Variants in TMEM116 observed in about 807,000 individuals in gnomAD.
The protein encoded by TMEM116 is transmembrane protein 116.
In TMEM116, 38 loss-of-function variants were observed where a neutral mutation model predicts 44.3. The observed-to-expected ratio is 0.86, with a 90% CI of 0.66 to 1.12. TMEM116 has a LOEUF of 1.12. Among genes scored for constraint, TMEM116 ranks in the 50% most tolerant of loss-of-function variants. The pLI, the probability that TMEM116 is intolerant of heterozygous loss-of-function variation, is 0.00. For missense variants in TMEM116, 354 were observed against 401.7 expected, an observed-to-expected ratio of 0.88 and a Z score of 1.01; for synonymous variants, 132 against 144.8, an observed-to-expected ratio of 0.91 and a Z score of 0.64.
chr12:111,988,373 T>C (rs555331638), intron 4 of TMEM116, among the ~76,000 whole-genome samples: 1 of 152,354 alleles, frequency 6.6e-6, no homozygotes, highest in South Asian at 2.1e-4. Flanking sequence ...TTTTACGTTA[T>C]GTATAGTTTA....
At chr12:111,963,301 G>C (rs1675145270) in intron 4 of TMEM116, among the ~76,000 whole-genome samples, 1 of 152,192 alleles carries the variant, frequency 6.6e-6, no homozygotes, top group South Asian at 2.1e-4. Flanking sequence ...AATACCATTT[G>C]ACCCAGCAAT....
At chr12:111,951,491 A>G (rs2073728617) in intron 4 of TMEM116, among the ~76,000 whole-genome samples, 1 of 152,234 alleles carries the variant, frequency 6.6e-6, no homozygotes, top group Non-Finnish European at 1.5e-5. Flanking sequence ...CAGTCATAAA[A>G]AAGGACAAGA....
intron 4 of TMEM116, among the ~76,000 whole-genome samples, chr12:111,958,127 C>G (rs1160409174): frequency 3.3e-5 from 5 of 151,924 alleles, no homozygotes; most frequent in Non-Finnish European, 5.9e-5. Flanking sequence ...CCCAGGGACA[C>G]AAACACTGCG....
chr12:111,932,571 T>G lies in TMEM116; in HGVS notation c.807+15A>C. 1 of 1,608,944 alleles carries G rather than the reference T, an allele frequency of 6.2e-7. No homozygotes were observed. The highest frequency in any genetic ancestry group is 8.5e-7 in the Non-Finnish European group (1 of 1,175,322). On this transcript the variant is annotated intron_variant, in intron 10 of 10. Coordinates refer to ENST00000552374, the MANE Select transcript of TMEM116 (RefSeq NM_001193531.2). The stretch of plus-strand genomic sequence containing the variant: ...CGGGTGTAAGAACAGAGATACTGAA[T>G]GTTGAAGGTGTTACCTGGAGAACAT...
chr12:111,991,486 T>C (rs1488874971), intron 4 of TMEM116, among the ~76,000 whole-genome samples: 4 of 148,656 alleles, frequency 2.7e-5, no homozygotes, highest in Non-Finnish European at 5.9e-5. Flanking sequence ...ATCGCACCAC[T>C]GTACTCCAGC....
intron 4 of TMEM116, among the ~76,000 whole-genome samples, chr12:111,961,271 C>T (rs2074569510): frequency 6.6e-6 from 1 of 152,148 alleles, no homozygotes; most frequent in Non-Finnish European, 1.5e-5. Context: ...ACCATTTCTT[C>T]CGAAACTATT....
intron 4 of TMEM116, among the ~76,000 whole-genome samples, chr12:111,964,857 TAA>T (rs200262412): frequency 3.5e-5 from 5 of 143,850 alleles, no homozygotes; most frequent in Admixed American, 6.8e-5. Flanking sequence ...CCAGCTAATT[TAA>T]AAAAAATTTT....
intron 4 of TMEM116, among the ~76,000 whole-genome samples, chr12:111,954,072 G>GA (rs77204391): frequency 0.092 from 14,023 of 152,042 alleles, 712 homozygotes; most frequent in East Asian, 0.23. Flanking sequence ...CAATAAAGCT[G>GA]AAAAAATCTA....
At position 111,937,365 on chromosome 12, in the gene TMEM116, T is replaced by C. The variant is rs554618954; in HGVS notation, c.366-122A>G. The stretch of plus-strand genomic sequence containing the variant: ...CCCACCAATCTCCACAAATAACACA[T>C]TTAATTTCTTCAAGAAAAATACCTC... On this transcript the variant is annotated intron_variant, in intron 6 of 10. Coordinates refer to ENST00000552374, the MANE Select transcript of TMEM116 (RefSeq NM_001193531.2). The C allele has an allele frequency of 1.3e-3, 948 of 746,518 alleles. 2 individuals carry two copies. Among genetic ancestry groups the C allele is most frequent in the Non-Finnish European group, 1.7e-3 (732 of 442,604 alleles). The allele number at this position is 746,518 out of a possible 1,614,324, so 46.2% of individuals were successfully genotyped here.
intron 3 of TMEM116, among the ~76,000 whole-genome samples, chr12:111,995,291 C>G (rs1286096172): frequency 6.6e-6 from 1 of 151,978 alleles, no homozygotes; most frequent in Non-Finnish European, 1.5e-5. Flanking sequence ...TTAAACCCAG[C>G]AATATATATA....
chr12:111,971,130 A>AAAT (rs2075307285), intron 4 of TMEM116, among the ~76,000 whole-genome samples: 1 of 152,160 alleles, frequency 6.6e-6, no homozygotes, highest in Non-Finnish European at 1.5e-5. Flanking sequence ...ATGAAACCAG[A>AAAT]CTCACCCTAC....
intron 1 of TMEM116, among the ~76,000 whole-genome samples, chr12:112,006,747 A>G (rs542572260): frequency 1.8e-4 from 27 of 152,356 alleles, no homozygotes; most frequent in Admixed American, 1.6e-3. Context: ...AAGAACTGAT[A>G]AAATTTGGAC....
intron 4 of TMEM116, among the ~76,000 whole-genome samples, chr12:111,957,346 TCTGA>T (rs1226929402): frequency 6.7e-6 from 1 of 150,348 alleles, no homozygotes; most frequent in Non-Finnish European, 1.5e-5. Flanking sequence ...GAGGAGCATC[TCTGA>T]CTGGCCGCCC....
chr12:111,954,655 G>A (rs1167282793), intron 4 of TMEM116, among the ~76,000 whole-genome samples: 2 of 152,224 alleles, frequency 1.3e-5, no homozygotes, highest in East Asian at 3.8e-4. Flanking sequence ...CCGATCGACT[G>A]CAAACTACAG....
At chr12:111,994,004 C>A in intron 3 of TMEM116, 1 of 572,454 alleles carries the variant, frequency 1.7e-6, no homozygotes, top group South Asian at 1.5e-5. Context: ...TTCAGCCTCC[C>A]TTGCCCTCCC....
intron 4 of TMEM116, among the ~76,000 whole-genome samples, chr12:111,990,563 AC>A (rs1735800749): frequency 6.6e-6 from 1 of 152,226 alleles, no homozygotes; most frequent in Admixed American, 6.5e-5. Flanking sequence ...ATTTTATACC[AC>A]CAATTACATA....
intron 1 of TMEM116, among the ~76,000 whole-genome samples, chr12:112,008,250 A>T (rs1272912845): frequency 6.6e-6 from 1 of 152,200 alleles, no homozygotes; most frequent in Non-Finnish European, 1.5e-5. Flanking sequence ...TCGGAGGCCG[A>T]GGCGTGTGGA....
At chr12:111,999,024 TTCTAC>T (rs1427286977) in intron 3 of TMEM116, among the ~76,000 whole-genome samples, 15 of 152,000 alleles carry the variant, frequency 9.9e-5, no homozygotes, top group Admixed American at 9.8e-4. Context: ...TCAAGAAAAA[TTCTAC>T]CCCTCCTATG....
At chr12:112,007,795 T>C (rs976827780) in intron 1 of TMEM116, among the ~76,000 whole-genome samples, 15 of 152,330 alleles carry the variant, frequency 9.8e-5, no homozygotes, top group Admixed American at 2.0e-4. Context: ...TAATCAATGA[T>C]GAATAACTTT....
Sources: allele counts gnomAD v4.1 joint callset (sites outside exome capture counted in the v4.1 genomes callset), GRCh38; gene constraint gnomAD v4.1.1; transcripts MANE v1.5; gene names NCBI Gene and HGNC (gene_info 2026-07-23, HGNC 2026-07-21).